Variants in GPATCH11 observed in about 807,000 individuals in gnomAD.
The protein encoded by GPATCH11 is G-patch domain containing 11.
In GPATCH11, 32 loss-of-function variants were observed where a neutral mutation model predicts 44.8. That is an observed-to-expected ratio of 0.71 (90% CI 0.54 to 0.96). The LOEUF is 0.96. Among genes scored for constraint, GPATCH11 ranks in the 40% least tolerant of loss-of-function variants. The pLI, the probability that GPATCH11 is intolerant of heterozygous loss-of-function variation, is 0.00. For synonymous variants in GPATCH11, 84 were observed against 94.4 expected (o/e 0.89, Z 0.64); for missense variants, 324 against 303.1 (o/e 1.07, Z -0.51).
At chr2:37,088,298 C>A in intron 1 of GPATCH11, 71 bp from the exon 2 acceptor site, 1 of 658,514 alleles carries the variant, frequency 1.5e-6, no homozygotes, top group Non-Finnish European at 2.6e-6. Context: ...CAGCTCATGG[C>A]TGCAGATACA....
chr2:37,086,074 A>T (rs1673021708), intron 1 of GPATCH11, among the ~76,000 whole-genome samples: 1 of 152,238 alleles, frequency 6.6e-6, no homozygotes, highest in South Asian at 2.1e-4. Context: ...TAAGAGCTGC[A>T]GTTATGACCA....
At chr2:37,088,780 C>T (rs1673169164) in intron 2 of GPATCH11, among the ~76,000 whole-genome samples, 1 of 152,146 alleles carries the variant, frequency 6.6e-6, no homozygotes, top group East Asian at 1.9e-4. Flanking sequence ...CTTTGGCCTC[C>T]CAAAGTGCTA....
chr2:37,089,047 T>C (rs1254338870), intron 2 of GPATCH11, among the ~76,000 whole-genome samples: 3 of 152,218 alleles, frequency 2.0e-5, no homozygotes, highest in Non-Finnish European at 2.9e-5. Flanking sequence ...TGTTCTTTAT[T>C]ATTGCCAACA....
At chr2:37,096,071 ATTG>A (rs1673564178) in intron 8 of GPATCH11, 134 bp from the exon 9 acceptor site, 2 of 613,246 alleles carry the variant, frequency 3.3e-6, no homozygotes, top group Non-Finnish European at 5.6e-6. Flanking sequence ...ATTTTTGGTT[ATTG>A]TTGTTTTTAT....
chr2:37,089,011 T>C (rs1327940314), intron 2 of GPATCH11, among the ~76,000 whole-genome samples: 1 of 152,220 alleles, frequency 6.6e-6, no homozygotes, highest in Non-Finnish European at 1.5e-5. Flanking sequence ...TACATCATAT[T>C]GTCTCTTCTA....
intron 4 of GPATCH11, among the ~76,000 whole-genome samples, chr2:37,091,357 G>C (rs1242091207): frequency 6.0e-5 from 9 of 150,042 alleles, no homozygotes; most frequent in Non-Finnish European, 1.2e-4. Context: ...CCAGGAATTT[G>C]AGACCAGCCT....
intron 1 of GPATCH11, 32 bp from the exon 2 acceptor site, chr2:37,088,336 TA>T (rs542703445): frequency 0.02 from 18,362 of 920,480 alleles, 8 homozygotes; most frequent in South Asian, 0.03. Flanking sequence ...TCTGATAAAC[TA>T]AAAAAAAAAG....
intron 1 of GPATCH11, among the ~76,000 whole-genome samples, chr2:37,087,997 G>A (rs1673128297): frequency 6.6e-6 from 1 of 151,710 alleles, no homozygotes; most frequent in Non-Finnish European, 1.5e-5. Flanking sequence ...CAACTAAGAA[G>A]CTGATTAAGA....
At chr2:37,086,087 A>G (rs1572973371) in intron 1 of GPATCH11, among the ~76,000 whole-genome samples, 1 of 152,178 alleles carries the variant, frequency 6.6e-6, no homozygotes, top group East Asian at 1.9e-4. Flanking sequence ...TATGACCAAA[A>G]AATCAACTCC....
chr2:37,089,642 A>G lies in GPATCH11; in HGVS notation c.62A>G (p.Glu21Gly). The change falls in exon 3 of 9, where the codon GAA becomes GGA. Residue 21 changes from glutamate (E) to glycine (G), a missense_variant and splice_region_variant. Physicochemically the swap from Glu to Gly is moderately conservative, Grantham distance 98. Transcript: ENST00000674370. ...AAATAAACTTTTCCCTTATTCAGAG[A>G]AGATATCAGACCAGGATTGCCAATG... ...YMSDSFINVQ[E>G]DIRPGLPMLR... 6.5e-7 allele frequency: 1 copy of G among 1,549,256 alleles called. No individual in the cohort carries two copies.
In GPATCH11 at chr2:37,089,583, A is replaced by G. The variant is rs28718568; in HGVS notation, c.60-57A>G. The G allele has an allele frequency of 3.1e-6, 4 of 1,283,176 alleles. No individual in the cohort carries two copies. The African/African-American group carries it at 4.6e-5, about 15-fold the overall frequency. 79.5% of individuals were successfully genotyped at this position (1,283,176 alleles called of 1,614,324 possible). A position where few individuals can be genotyped will look rare whatever the true frequency, so the allele number is the denominator to read the frequency against. ...ACTCCGTCTCAAAAAATAAAAAAAA[A>G]AAAAAAGAAAAGAAAACTTTATGGA... is the stretch of plus-strand genomic sequence containing the variant. On this transcript the variant is annotated intron_variant, in intron 2 of 8. Coordinates refer to ENST00000674370, the MANE Select transcript of GPATCH11 (RefSeq NM_174931.4).
At chr2:37,089,573 A>AT in intron 2 of GPATCH11, 67 bp from the exon 3 acceptor site, 4 of 1,216,980 alleles carry the variant, frequency 3.3e-6, no homozygotes, top group Non-Finnish European at 4.6e-6. Flanking sequence ...GTCTCAAAAA[A>AT]TAAAAAAAAA....
chr2:37,084,597 G>A, intron 1 of GPATCH11, 27 bp downstream of exon 1: 1 of 1,227,098 alleles, frequency 8.1e-7, no homozygotes, highest in Non-Finnish European at 1.0e-6. Context: ...GTAAGGGTCT[G>A]GGGACAACCG....
At chr2:37,086,473 A>T (rs888558855) in intron 1 of GPATCH11, among the ~76,000 whole-genome samples, 1 of 152,180 alleles carries the variant, frequency 6.6e-6, no homozygotes, top group African/African-American at 2.4e-5. Flanking sequence ...GATATACATT[A>T]TCTAGTTGAG....
At chr2:37,096,076 T>G in intron 8 of GPATCH11, 132 bp from the exon 9 acceptor site, 1 of 628,164 alleles carries the variant, frequency 1.6e-6, no homozygotes, top group South Asian at 2.2e-5. Context: ...TGGTTATTGT[T>G]GTTTTTATCT....
At chr2:37,091,053 G>C (rs1339746430) in intron 4 of GPATCH11, among the ~76,000 whole-genome samples, 2 of 152,170 alleles carry the variant, frequency 1.3e-5, no homozygotes, top group Non-Finnish European at 1.5e-5. Flanking sequence ...GGCCGGGCGT[G>C]GTGGCTCACA....
At chr2:37,091,609 G>T in intron 4 of GPATCH11, among the ~76,000 whole-genome samples, 1 of 152,004 alleles carries the variant, frequency 6.6e-6, no homozygotes. Context: ...TTAATACTTG[G>T]ATGAATTCAA....
At chr2:37,089,203 T>C (rs938463864) in intron 2 of GPATCH11, among the ~76,000 whole-genome samples, 1 of 152,182 alleles carries the variant, frequency 6.6e-6, no homozygotes, top group South Asian at 2.1e-4. Flanking sequence ...TCTAATATCA[T>C]AATAACAAAG....
Position 37,097,640 on chromosome 2 carries a change from C to T in GPATCH11, c.*1377C>T, listed in dbSNP as rs1480898754. The T allele has an allele frequency of 6.6e-6, 1 of 152,116 alleles. No homozygotes were observed. Among genetic ancestry groups the T allele is most frequent in the Non-Finnish European group, 1.5e-5 (1 of 68,026 alleles). The allele number at this position is 152,116 out of a possible 1,614,324, so 9.4% of individuals were successfully genotyped here. A position where few individuals can be genotyped will look rare whatever the true frequency, so the allele number is the denominator to read the frequency against. On this transcript the variant is annotated 3_prime_UTR_variant, in exon 9 of 9. Transcript: ENST00000674370. ...AGTTAGATTGAGCAAGAGAACAACC[C>T]CTTTTATTAGAAACAGCATACATAA...
Sources: gnomAD v4.1 joint callset for allele counts (sites outside exome capture counted in the v4.1 genomes callset) on GRCh38, gnomAD v4.1.1 for gene constraint, MANE v1.5 for transcripts, NCBI Gene and HGNC (gene_info 2026-07-23, HGNC 2026-07-21) for gene names.